ZHX1: variants seen among roughly 807,000 people sequenced by gnomAD.
The protein encoded by ZHX1 is zinc fingers and homeoboxes protein 1.
In ZHX1, 20 loss-of-function variants were observed where a neutral mutation model predicts 61.8. The ratio of observed to expected loss-of-function variants is 0.32; its 90% confidence interval spans 0.23 to 0.47. ZHX1 has a LOEUF of 0.47. Ranked by LOEUF, ZHX1 falls within the 20% of genes least tolerant of loss-of-function variation. The pLI is 1.00. For synonymous variants in ZHX1, 318 were observed against 352.6 expected (o/e 0.90, Z 1.10); for missense variants, 800 against 1,034.8 (o/e 0.77, Z 3.11).
At chr8:123,264,526 G>C (rs1011464029) in intron 2 of ZHX1, among the ~76,000 whole-genome samples, 5 of 152,116 alleles carry the variant, frequency 3.3e-5, no homozygotes, top group Admixed American at 3.3e-4. Flanking sequence ...AGCCACAAAA[G>C]CATGCTATTT....
At chr8:123,264,477 A>T (rs183541587) in intron 2 of ZHX1, among the ~76,000 whole-genome samples, 1 of 152,344 alleles carries the variant, frequency 6.6e-6, no homozygotes, top group East Asian at 1.9e-4. Context: ...TTGGACTTCA[A>T]ATTAAATGAT....
At chr8:123,258,807 A>G (rs575834008) in intron 2 of ZHX1, among the ~76,000 whole-genome samples, 81 of 152,344 alleles carry the variant, frequency 5.3e-4, no homozygotes, top group African/African-American at 1.8e-3. Flanking sequence ...AAAATTTTTA[A>G]AATAAAAAGT....
Position 123,249,001 on chromosome 8 carries a change from T to G in ZHX1, c.*1323A>C, listed in dbSNP as rs1231853715. ...AAAGTTTATAAAAATGAAAGCAGCA[T>G]GCATATTCAAGGCTTTTTCATAACA... is the stretch of plus-strand genomic sequence containing the variant. On this transcript the variant is annotated 3_prime_UTR_variant, in exon 4 of 4. Coordinates refer to ENST00000395571, the MANE Select transcript of ZHX1 (RefSeq NM_007222.5). 6.6e-6 allele frequency: 1 copy of G among 152,596 alleles called. No homozygotes were observed. Among genetic ancestry groups the G allele is most frequent in the African/African-American group, 2.4e-5 (1 of 41,454 alleles). The allele number at this position is 152,596 out of a possible 1,614,324, so 9.5% of individuals were successfully genotyped here. A position where few individuals can be genotyped will look rare whatever the true frequency, so the allele number is the denominator to read the frequency against.
intron 2 of ZHX1, among the ~76,000 whole-genome samples, chr8:123,266,319 A>G (rs1417265733): frequency 6.6e-6 from 1 of 152,204 alleles, no homozygotes; most frequent in Admixed American, 6.5e-5. Context: ...CTGAAAAACC[A>G]TTCATCTGGT....
At position 123,254,069 on chromosome 8, in the gene ZHX1, C is replaced by T. The variant is rs912733142; in HGVS notation, c.1878G>A (p.Lys626=). Residue 626 remains lysine, a synonymous_variant, in exon 3 of 4, where the codon AAG becomes AAA. Transcript: ENST00000395571. The surrounding 1 kb of genome is among the most constrained non-coding windows in gnomAD (Gnocchi z 4.1). ...TTTCATCTATTTCCATTTTCTCTTC[C>T]TTTAAAGCTTTTGATTTCTTCTTCT... is the stretch of plus-strand genomic sequence containing the variant. ...FTEKKKSKAL[K]EEKMEIDESN... is the part of the protein sequence containing the mutation. The T allele has an allele frequency of 6.2e-7, 1 of 1,614,036 alleles. No individual in the cohort carries two copies. The highest frequency in any genetic ancestry group is 1.3e-5 in the African/African-American group (1 of 75,054).
rs752379171 is a variant in ZHX1 at position 123,255,925 on chromosome 8, T to C, written c.22A>G (p.Thr8Ala). 7.5e-6 allele frequency: 12 copies of C among 1,605,352 alleles called. No individual in the cohort carries two copies. Among genetic ancestry groups the C allele is most frequent in the African/African-American group, 4.0e-5 (3 of 74,588 alleles). ...CTGGCAAGGACCATGCAAGGTGTTG[T>C]TGATTTTCGCCTGCTTGCCATTCTG... is the stretch of plus-strand genomic sequence containing the variant. MASRRKSTTPCMVLASEQ... is the reference protein window; with the variant it reads MASRRKSATPCMVLASEQ... The change falls in exon 3 of 4, where the codon ACA becomes GCA. Residue 8 changes from threonine (T) to alanine (A), a missense_variant. Physicochemically the swap from Thr to Ala is moderately conservative, Grantham distance 58. Coordinates refer to ENST00000395571, the MANE Select transcript of ZHX1 (RefSeq NM_007222.5).
intron 1 of ZHX1, among the ~76,000 whole-genome samples, chr8:123,269,924 G>C (rs1203798898): frequency 6.6e-6 from 1 of 151,974 alleles, no homozygotes; most frequent in Non-Finnish European, 1.5e-5. Context: ...AATCATGCTG[G>C]AACAAGTTGG....
upstream of ZHX1, chr8:123,275,474 A>G (rs1826812252): frequency 6.6e-6 from 1 of 151,504 alleles, no homozygotes; most frequent in African/African-American, 2.4e-5. Flanking sequence ...CTAAAAGCAC[A>G]GCAGAGCTCC....
At chr8:123,262,232 C>T (rs767766383) in intron 2 of ZHX1, among the ~76,000 whole-genome samples, 1 of 152,094 alleles carries the variant, frequency 6.6e-6, no homozygotes, top group Non-Finnish European at 1.5e-5. Context: ...CTTTTCAGTA[C>T]GGGAAGTGTT....
rs1826058053 is a variant in ZHX1 at position 123,255,914 on chromosome 8, G to A, written c.33C>T (p.Cys11=). Residue 11 remains cysteine, a synonymous_variant, in exon 3 of 4, where the codon TGC becomes TGT. Coordinates refer to ENST00000395571, the MANE Select transcript of ZHX1 (RefSeq NM_007222.5). The part of the protein sequence containing the change: MASRRKSTTP[C]MVLASEQDPD... ...GATCTTGTTCACTGGCAAGGACCAT[G>A]CAAGGTGTTGTTGATTTTCGCCTGC... The A allele has an allele frequency of 6.2e-7, 1 of 1,609,374 alleles. No individual in the cohort carries two copies. The highest frequency in any genetic ancestry group is 8.5e-7 in the Non-Finnish European group (1 of 1,177,966).
intron 2 of ZHX1, among the ~76,000 whole-genome samples, chr8:123,260,383 G>A (rs1342285589): frequency 6.6e-6 from 1 of 151,938 alleles, no homozygotes. Context: ...TGGATCACTT[G>A]AGGTCGGGAG....
chr8:123,260,100 G>C (rs1457338242), intron 2 of ZHX1, among the ~76,000 whole-genome samples: 1 of 152,024 alleles, frequency 6.6e-6, no homozygotes, highest in Non-Finnish European at 1.5e-5. Context: ...GGAGGTTGCA[G>C]TGAGCCAAGA....
chr8:123,252,171 ATAG>A (rs1563807766), intron 3 of ZHX1, among the ~76,000 whole-genome samples: 1 of 152,186 alleles, frequency 6.6e-6, no homozygotes, highest in Non-Finnish European at 1.5e-5. Context: ...GTCATTTCTG[ATAG>A]CAAGATGCTA....
chr8:123,252,054 GA>G (rs1825934968), intron 3 of ZHX1, among the ~76,000 whole-genome samples: 2 of 152,174 alleles, frequency 1.3e-5, no homozygotes, highest in Admixed American at 1.3e-4. Flanking sequence ...AAAAGTAGGG[GA>G]TGGGATACTC....
chr8:123,259,952 G>A (rs1443881627), intron 2 of ZHX1, among the ~76,000 whole-genome samples: 1 of 152,102 alleles, frequency 6.6e-6, no homozygotes, highest in Non-Finnish European at 1.5e-5. Context: ...AAGGTCAGGA[G>A]ATCAACCATC....
chr8:123,275,227 G>C (rs1826805517), upstream of ZHX1: 2 of 152,582 alleles, frequency 1.3e-5, no homozygotes, highest in African/African-American at 4.8e-5. Flanking sequence ...CGAGGGCCAG[G>C]GGTTTCGGGA....
intron 2 of ZHX1, among the ~76,000 whole-genome samples, chr8:123,261,042 G>A (rs1469656356): frequency 6.6e-6 from 1 of 152,036 alleles, no homozygotes; most frequent in Non-Finnish European, 1.5e-5. Context: ...CTATTTGCTT[G>A]CTATAATCCA....
Position 123,248,939 on chromosome 8 carries a change from T to C in ZHX1, c.*1385A>G, listed in dbSNP as rs539597724. The stretch of plus-strand genomic sequence containing the variant: ...TGAGGAAATCAGCTACATTGCAGCA[T>C]TTTGGAATTACTAATAAAGCTATAG... On this transcript the variant is annotated 3_prime_UTR_variant, in exon 4 of 4. Coordinates refer to ENST00000395571, the MANE Select transcript of ZHX1 (RefSeq NM_007222.5). The C allele has an allele frequency of 6.6e-6, 1 of 152,646 alleles. No homozygotes were observed. Among genetic ancestry groups the C allele is most frequent in the Admixed American group, 6.5e-5 (1 of 15,296 alleles). 9.5% of individuals were successfully genotyped at this position (152,646 alleles called of 1,614,324 possible).
rs770374909 is a variant in ZHX1 at position 123,255,878 on chromosome 8, C to A, written c.69G>T (p.Glu23Asp). The A allele has an allele frequency of 6.8e-6, 11 of 1,614,012 alleles. No homozygotes were observed. The South Asian group carries it at 1.2e-4, about 18-fold the overall frequency. Residue 23 changes from glutamate to aspartate, a missense_variant, in exon 3 of 4, where the codon GAG (glutamate) becomes GAT (aspartate). Transcript: ENST00000395571. ...GACCTTCATCCAAATCTGATATCAA[C>A]TCAAGGTCTGGATCTTGTTCACTGG... is the stretch of plus-strand genomic sequence containing the variant. Reference protein sequence around the residue: ...VLASEQDPDLELISDLDEGPP... With the variant: ...VLASEQDPDLDLISDLDEGPP...
Sources: allele counts gnomAD v4.1 joint callset (sites outside exome capture counted in the v4.1 genomes callset), GRCh38; gene constraint gnomAD v4.1.1; non-coding constraint Gnocchi (gnomAD v3.1); transcripts MANE v1.5; gene names NCBI Gene and HGNC (gene_info 2026-07-23, HGNC 2026-07-21).